The following ZFYVE9 variants were observed in gnomAD, a reference collection of about 807,000 sequenced individuals.
ZFYVE9 encodes the protein zinc finger FYVE domain-containing protein 9.
Under a neutral mutation model 126.7 loss-of-function variants are expected in ZFYVE9, and 43 were observed. The ratio of observed to expected loss-of-function variants is 0.34; its 90% CI spans 0.27 to 0.44. The LOEUF is 0.44. Ranked by LOEUF, ZFYVE9 falls within the 20% of genes least tolerant of loss-of-function variation. ZFYVE9 has a pLI of 1.00. For missense variants in ZFYVE9, 1,476 were observed against 1,697.0 expected (o/e 0.87, Z 2.29); for synonymous variants, 521 against 597.4 (o/e 0.87, Z 1.87).
chr1:52,200,243 A>G (rs1644911180), intron 1 of ZFYVE9, among the ~76,000 whole-genome samples: 1 of 152,068 alleles, frequency 6.6e-6, no homozygotes, highest in Non-Finnish European at 1.5e-5. Flanking sequence ...CAGTGGTGCA[A>G]TCACAGCTCA....
intron 1 of ZFYVE9, among the ~76,000 whole-genome samples, chr1:52,171,123 G>T (rs1208783999): frequency 3.9e-5 from 6 of 151,910 alleles, no homozygotes; most frequent in Non-Finnish European, 8.8e-5. Context: ...TTAGCATTAG[G>T]TATATCTCCT....
intron 4 of ZFYVE9, among the ~76,000 whole-genome samples, chr1:52,242,411 T>G (rs549759094): frequency 1.3e-5 from 2 of 152,362 alleles, no homozygotes; most frequent in Non-Finnish European, 2.9e-5. Context: ...AGTTCCAAGC[T>G]TGATGAGGGT....
intron 1 of ZFYVE9, among the ~76,000 whole-genome samples, chr1:52,156,828 T>C (rs1221893129): frequency 1.3e-5 from 2 of 149,822 alleles, no homozygotes; most frequent in Admixed American, 7.0e-5. Flanking sequence ...TTCCCCACTT[T>C]AGTGACATTC....
In ZFYVE9 at chr1:52,333,469, A is replaced by C. The variant is rs185538484; in HGVS notation, c.3589+551A>C. Among the ~76,000 whole-genome samples the C allele has an allele frequency of 1.9e-3, 295 of 152,248 alleles. 6 individuals are homozygous for C. Among genetic ancestry groups the C allele is most frequent in the Admixed American group, 0.017 (254 of 15,294 alleles). ...TCTGAAGGAGGTTTCAGTGCTATTC[A>C]GAATGTGGTCTCCACACCCCAGATT... On this transcript the variant is annotated intron_variant, in intron 14 of 18. Coordinates refer to ENST00000287727, the MANE Select transcript of ZFYVE9 (RefSeq NM_004799.4).
chr1:52,322,555 T>C (rs1214140544), intron 13 of ZFYVE9, among the ~76,000 whole-genome samples: 1 of 151,450 alleles, frequency 6.6e-6, no homozygotes, highest in African/African-American at 2.4e-5. Flanking sequence ...TTTTTGTGTT[T>C]TTAGTAGAGA....
At chr1:52,152,797 A>T (rs1037204653) in intron 1 of ZFYVE9, among the ~76,000 whole-genome samples, 1 of 152,220 alleles carries the variant, frequency 6.6e-6, no homozygotes, top group Non-Finnish European at 1.5e-5. Context: ...AAATAAACAG[A>T]TACATGTAAA....
intron 1 of ZFYVE9, among the ~76,000 whole-genome samples, chr1:52,189,581 C>CAGGCT (rs953817135): frequency 2.6e-5 from 4 of 152,010 alleles, no homozygotes; most frequent in African/African-American, 9.7e-5. Context: ...CCATGTTGGC[C>CAGGCT]AGGCTGGTCT....
At chr1:52,295,399 A>C (rs1172840868) in intron 11 of ZFYVE9, among the ~76,000 whole-genome samples, 1 of 151,938 alleles carries the variant, frequency 6.6e-6, no homozygotes, top group Non-Finnish European at 1.5e-5. Flanking sequence ...TCATTCTGTC[A>C]CCAAGGCTGG....
intron 2 of ZFYVE9, among the ~76,000 whole-genome samples, chr1:52,222,978 C>T (rs1264742001): frequency 2.0e-5 from 3 of 152,140 alleles, no homozygotes; most frequent in African/African-American, 7.2e-5. Flanking sequence ...AATCCTTCCC[C>T]TATAAACCCT....
chr1:52,187,615 AAAAC>A (rs929287118), intron 1 of ZFYVE9, among the ~76,000 whole-genome samples: 1 of 152,218 alleles, frequency 6.6e-6, no homozygotes, highest in African/African-American at 2.4e-5. Context: ...TTATGAGAGA[AAAAC>A]AACTCCATTA....
intron 2 of ZFYVE9, among the ~76,000 whole-genome samples, chr1:52,217,518 G>A (rs530118557): frequency 1.1e-4 from 16 of 152,290 alleles, no homozygotes; most frequent in African/African-American, 2.2e-4. Context: ...ATCTGAGTAC[G>A]GAGGGGGAGA....
rs78609321 is a variant in ZFYVE9, at chr1:52,309,945, T to C, written c.3438+6020T>C. On this transcript the variant is annotated intron_variant, in intron 13 of 18. Coordinates refer to ENST00000287727, the MANE Select transcript of ZFYVE9 (RefSeq NM_004799.4). ...CAAGGCCATTAAAGATCCTTGTTGG[T>C]TAAGGTCACCTGGTTCATATATATA... Among the ~76,000 whole-genome samples, 774 of 152,276 alleles carry C rather than the reference T, an allele frequency of 5.1e-3. 3 individuals carry two copies. Among genetic ancestry groups the C allele is most frequent in the Middle Eastern group, 0.014 (4 of 294 alleles).
At chr1:52,157,218 G>A (rs1644411250) in intron 1 of ZFYVE9, among the ~76,000 whole-genome samples, 1 of 151,958 alleles carries the variant, frequency 6.6e-6, no homozygotes, top group Non-Finnish European at 1.5e-5. Flanking sequence ...ATATATATGA[G>A]TTTAGATGTG....
At chr1:52,249,949 C>CT (rs1043452860) in intron 4 of ZFYVE9, among the ~76,000 whole-genome samples, 2 of 152,080 alleles carry the variant, frequency 1.3e-5, no homozygotes, top group Non-Finnish European at 2.9e-5. Flanking sequence ...TATTTCTGGG[C>CT]TTTTTTCTAT....
intron 16 of ZFYVE9, among the ~76,000 whole-genome samples, chr1:52,338,544 A>G (rs1421395929): frequency 6.6e-6 from 1 of 152,192 alleles, no homozygotes; most frequent in Non-Finnish European, 1.5e-5. Flanking sequence ...ATACATTACA[A>G]ACTGAACTTT....
chr1:52,258,972 A>G (rs559609043), intron 4 of ZFYVE9, among the ~76,000 whole-genome samples: 81 of 151,904 alleles, frequency 5.3e-4, no homozygotes, highest in African/African-American at 1.7e-3. Context: ...CTAACTCACT[A>G]CTTCTGAATG....
intron 13 of ZFYVE9, among the ~76,000 whole-genome samples, chr1:52,331,773 CTT>C (rs1172492745): frequency 2.3e-4 from 30 of 132,762 alleles, no homozygotes; most frequent in Non-Finnish European, 3.4e-4. Context: ...GTGTCAAACT[CTT>C]TTTTTTTTTT....
At chr1:52,205,379 G>GTT (rs998792577) in intron 1 of ZFYVE9, among the ~76,000 whole-genome samples, 1 of 149,920 alleles carries the variant, frequency 6.7e-6, no homozygotes, top group Non-Finnish European at 1.5e-5. Context: ...CCAGCTTTTT[G>GTT]TTTTTTTTTA....
intron 18 of ZFYVE9, among the ~76,000 whole-genome samples, chr1:52,345,314 G>A (rs1455819860): frequency 6.6e-6 from 1 of 151,902 alleles, no homozygotes; most frequent in Non-Finnish European, 1.5e-5. Context: ...TTGGGTGTAG[G>A]CTCAGCTTGA....
Sources: allele counts gnomAD v4.1 joint callset (sites outside exome capture counted in the v4.1 genomes callset), GRCh38; gene constraint gnomAD v4.1.1; transcripts MANE v1.5; gene names NCBI Gene and HGNC (gene_info 2026-07-23, HGNC 2026-07-21).